ARHGAP15: variants seen among roughly 807,000 people sequenced by gnomAD.
ARHGAP15 encodes the protein Rho GTPase activating protein 15, also known as rho GTPase-activating protein 15.
Under a neutral mutation model 63.7 loss-of-function variants are expected in ARHGAP15, and 51 were observed. The observed-to-expected ratio is 0.80, with a 90% CI of 0.64 to 1.01. The LOEUF is 1.01. ARHGAP15 is among the 50% of genes least tolerant of loss of function. ARHGAP15 has a pLI of 0.00. For missense variants in ARHGAP15, 560 were observed against 564.6 expected (o/e 0.99, Z 0.08); for synonymous variants, 191 against 193.8 (o/e 0.99, Z 0.12).
chr2:143,343,624 C>A (rs80073548), intron 6 of ARHGAP15, among the ~76,000 whole-genome samples: 1 of 151,954 alleles, frequency 6.6e-6, no homozygotes, highest in Non-Finnish European at 1.5e-5. Flanking sequence ...GATTTCTCAA[C>A]GTTACTTTAG....
At chr2:143,737,497 A>G (rs1260071027) in intron 13 of ARHGAP15, among the ~76,000 whole-genome samples, 2 of 152,190 alleles carry the variant, frequency 1.3e-5, no homozygotes, top group Non-Finnish European at 2.9e-5. Context: ...CCCTTTGTAC[A>G]TTTCTTCTGC....
chr2:143,408,028 T>TAC (rs1688284425), intron 6 of ARHGAP15, among the ~76,000 whole-genome samples: 2 of 126,044 alleles, frequency 1.6e-5, no homozygotes, highest in African/African-American at 3.0e-5. Flanking sequence ...TATATATATA[T>TAC]ATATCCTTTT....
chr2:143,679,401 A>G (rs1471226332), intron 12 of ARHGAP15, among the ~76,000 whole-genome samples: 1 of 152,234 alleles, frequency 6.6e-6, no homozygotes, highest in Non-Finnish European at 1.5e-5. Context: ...TGCTCATTAT[A>G]AAACAGGAGT....
chr2:143,329,962 C>T, intron 6 of ARHGAP15, among the ~76,000 whole-genome samples: 1 of 142,920 alleles, frequency 7.0e-6, no homozygotes, highest in Non-Finnish European at 1.5e-5. Context: ...CATGGTGGCA[C>T]ACAGCTGTAG....
chr2:143,768,139 G>A lies in ARHGAP15; in HGVS notation c.1395G>A (p.Glu465=). The A allele has an allele frequency of 1.2e-6, 2 of 1,613,670 alleles. No homozygotes were observed. The highest frequency in any genetic ancestry group is 1.7e-6 in the Non-Finnish European group (2 of 1,179,708). ...AGATAGCTGAGCTCATGCTGAGTGAGTACAGTAAGATCTTCGGCTCAGAGG... is the reference window on the plus strand; with the variant it reads ...AGATAGCTGAGCTCATGCTGAGTGAATACAGTAAGATCTTCGGCTCAGAGG... The part of the protein sequence containing the change: ...QNQIAELMLS[E]YSKIFGSEED Residue 465 remains glutamate (E), a synonymous_variant, in exon 14 of 14, where the codon GAG becomes GAA. Coordinates refer to ENST00000295095, the MANE Select transcript of ARHGAP15 (RefSeq NM_018460.4).
intron 8 of ARHGAP15, among the ~76,000 whole-genome samples, chr2:143,438,487 AGCACCC>A (rs1689716915): frequency 6.6e-6 from 1 of 152,180 alleles, no homozygotes; most frequent in African/African-American, 2.4e-5. Flanking sequence ...TAAGAGTAGA[AGCACCC>A]TTTTGAAATT....
chr2:143,341,076 A>G (rs1379108972), intron 6 of ARHGAP15, among the ~76,000 whole-genome samples: 1 of 151,954 alleles, frequency 6.6e-6, no homozygotes, highest in Non-Finnish European at 1.5e-5. Context: ...ACATGCAGAG[A>G]AGTCCCTTCC....
chr2:143,299,268 GA>G (rs1377660466), intron 6 of ARHGAP15, among the ~76,000 whole-genome samples: 1 of 151,962 alleles, frequency 6.6e-6, no homozygotes, highest in Non-Finnish European at 1.5e-5. Flanking sequence ...TAAGTCTAGA[GA>G]GACAGAGTCA....
intron 6 of ARHGAP15, among the ~76,000 whole-genome samples, chr2:143,428,348 A>G (rs533939305): frequency 6.6e-6 from 1 of 151,992 alleles, no homozygotes; most frequent in African/African-American, 2.4e-5. Context: ...TCAGTGCCAG[A>G]GCACACAGGG....
rs1038202902 is a variant in ARHGAP15 at position 143,140,635 on chromosome 2, A to T, written c.-15+11169A>T. Among the ~76,000 whole-genome samples, 3 of 152,172 alleles carry T rather than the reference A, an allele frequency of 2.0e-5. No homozygotes were observed. The East Asian group carries it at 5.8e-4, about 29-fold the overall frequency. ...TATAAAAGGAAACTAGGAAGTCCTG[A>T]GAGTATAGATTGCTAACCCAGTAAA... is the stretch of plus-strand genomic sequence containing the variant. On this transcript the variant is annotated intron_variant, in intron 1 of 13. Coordinates refer to ENST00000295095, the MANE Select transcript of ARHGAP15 (RefSeq NM_018460.4).
chr2:143,616,751 A>T (rs891751325), intron 11 of ARHGAP15, among the ~76,000 whole-genome samples: 3 of 152,026 alleles, frequency 2.0e-5, no homozygotes, highest in African/African-American at 7.2e-5. Context: ...CAAACATAGG[A>T]CTCCTAAGAG....
chr2:143,442,017 A>T (rs1217419912), intron 8 of ARHGAP15, among the ~76,000 whole-genome samples: 1 of 152,170 alleles, frequency 6.6e-6, no homozygotes, highest in African/African-American at 2.4e-5. Context: ...AACAGAAAGA[A>T]AAAACTTGAA....
intron 8 of ARHGAP15, among the ~76,000 whole-genome samples, chr2:143,467,115 G>A (rs1691254906): frequency 6.6e-6 from 1 of 151,844 alleles, no homozygotes; most frequent in Non-Finnish European, 1.5e-5. Flanking sequence ...ATACTCTTAA[G>A]CATAGTTTTC....
chr2:143,750,166 G>A (rs573036658), intron 13 of ARHGAP15, among the ~76,000 whole-genome samples: 2 of 152,342 alleles, frequency 1.3e-5, no homozygotes, highest in East Asian at 3.9e-4. Context: ...CTGGCTGGGC[G>A]TGGTGGCTCA....
chr2:143,640,391 C>T (rs892783085), intron 12 of ARHGAP15, among the ~76,000 whole-genome samples: 4 of 152,070 alleles, frequency 2.6e-5, no homozygotes, highest in Non-Finnish European at 2.9e-5. Context: ...TAACTGTTTA[C>T]ATCTCTCCAA....
chr2:143,320,279 G>A (rs1683945972), intron 6 of ARHGAP15, among the ~76,000 whole-genome samples: 1 of 152,200 alleles, frequency 6.6e-6, no homozygotes, highest in African/African-American at 2.4e-5. Flanking sequence ...GCTGGAGCTG[G>A]CTGCAGAGCT....
chr2:143,218,539 A>T (rs1692862070), intron 4 of ARHGAP15, among the ~76,000 whole-genome samples: 1 of 152,182 alleles, frequency 6.6e-6, no homozygotes, highest in African/African-American at 2.4e-5. Flanking sequence ...TCAAAAAAGA[A>T]TGTATAGTTG....
intron 11 of ARHGAP15, among the ~76,000 whole-genome samples, chr2:143,613,578 G>T (rs191758619): frequency 7.6e-4 from 115 of 152,202 alleles, no homozygotes; most frequent in Non-Finnish European, 3.5e-4. Flanking sequence ...CTACCAGCAG[G>T]TCTTTATAAA....
intron 11 of ARHGAP15, among the ~76,000 whole-genome samples, chr2:143,577,134 A>G (rs1360532278): frequency 6.6e-6 from 1 of 152,126 alleles, no homozygotes; most frequent in Non-Finnish European, 1.5e-5. Flanking sequence ...TTTCATTAAG[A>G]CAAATTCTTA....
Sources: gnomAD v4.1 joint callset for allele counts (sites outside exome capture counted in the v4.1 genomes callset) on GRCh38, gnomAD v4.1.1 for gene constraint, MANE v1.5 for transcripts, NCBI Gene and HGNC (gene_info 2026-07-23, HGNC 2026-07-21) for gene names.